The following GABRG3 variants were observed in gnomAD, a reference collection of about 807,000 sequenced individuals.
The protein encoded by GABRG3 is gamma-aminobutyric acid type A receptor subunit gamma3.
Under a neutral mutation model 48.8 loss-of-function variants are expected in GABRG3, and 25 were observed. The ratio of observed to expected loss-of-function variants is 0.51; its 90% CI spans 0.37 to 0.72. GABRG3 has a LOEUF of 0.72. GABRG3 is among the 30% of genes least tolerant of loss of function. The pLI is 0.00. For synonymous variants in GABRG3, 227 were observed against 217.6 expected (o/e 1.04, Z -0.38); for missense variants, 394 against 577.9 (o/e 0.68, Z 3.26).
At chr15:27,320,202 G>A (rs1893372753) in intron 3 of GABRG3, among the ~76,000 whole-genome samples, 1 of 152,202 alleles carries the variant, frequency 6.6e-6, no homozygotes, top group African/African-American at 2.4e-5. Context: ...ATATTTACAA[G>A]TGCAAGATGT....
intron 3 of GABRG3, among the ~76,000 whole-genome samples, chr15:27,160,388 T>C (rs1264657453): frequency 1.3e-5 from 2 of 152,174 alleles, no homozygotes; most frequent in African/African-American, 4.8e-5. Context: ...GTAGTATTTC[T>C]GATTTTCTTT....
chr15:27,167,559 A>G (rs992352004), intron 3 of GABRG3, among the ~76,000 whole-genome samples: 3 of 152,222 alleles, frequency 2.0e-5, no homozygotes, highest in Non-Finnish European at 4.4e-5. Context: ...GATTTTAAAA[A>G]TAACATAAAT....
intron 5 of GABRG3, among the ~76,000 whole-genome samples, chr15:27,361,306 G>A (rs1380591363): frequency 6.6e-6 from 1 of 152,102 alleles, no homozygotes; most frequent in Non-Finnish European, 1.5e-5. Flanking sequence ...CACATTTCTG[G>A]GTCTTGGGTG....
chr15:27,156,465 A>G (rs1194771175), intron 3 of GABRG3, among the ~76,000 whole-genome samples: 1 of 152,088 alleles, frequency 6.6e-6, no homozygotes, highest in Non-Finnish European at 1.5e-5. Flanking sequence ...CAAATCTGGA[A>G]TGAAACGAAA....
At chr15:27,116,743 G>A (rs886679877) in intron 3 of GABRG3, among the ~76,000 whole-genome samples, 1 of 152,140 alleles carries the variant, frequency 6.6e-6, no homozygotes, top group African/African-American at 2.4e-5. Flanking sequence ...TGGGATTAAG[G>A]TTTTCATAAA....
intron 5 of GABRG3, among the ~76,000 whole-genome samples, chr15:27,332,950 T>C (rs1042748966): frequency 2.0e-5 from 3 of 152,226 alleles, no homozygotes; most frequent in Non-Finnish European, 4.4e-5. Context: ...TCTGTAGTCA[T>C]TGTGGTTAAG....
chr15:27,108,566 G>A (rs1229383340), intron 3 of GABRG3, among the ~76,000 whole-genome samples: 1 of 152,200 alleles, frequency 6.6e-6, no homozygotes, highest in Non-Finnish European at 1.5e-5. Context: ...GTCGGATGGA[G>A]TATTCAATAA....
intron 3 of GABRG3, among the ~76,000 whole-genome samples, chr15:27,313,260 GTGTATATATA>G (rs1165553148): frequency 2.2e-3 from 107 of 49,512 alleles, no homozygotes; most frequent in South Asian, 6.3e-3. Context: ...GTGTGTGTGT[GTGTATATATA>G]TATATATATA....
intron 4 of GABRG3, among the ~76,000 whole-genome samples, chr15:27,328,565 T>C (rs1893696797): frequency 6.6e-6 from 1 of 152,248 alleles, no homozygotes; most frequent in Non-Finnish European, 1.5e-5. Flanking sequence ...CTAGACACAG[T>C]TGGAATTTTA....
intron 6 of GABRG3, among the ~76,000 whole-genome samples, chr15:27,494,183 A>G (rs955581666): frequency 7.9e-5 from 12 of 152,146 alleles, no homozygotes; most frequent in African/African-American, 2.9e-4. Flanking sequence ...TACTGAGGGT[A>G]TAACTACTCT....
intron 3 of GABRG3, among the ~76,000 whole-genome samples, chr15:27,219,706 G>A (rs988856631): frequency 5.3e-5 from 8 of 152,328 alleles, no homozygotes; most frequent in Non-Finnish European, 8.8e-5. Flanking sequence ...TGTGCCTAAC[G>A]GGGAGTGCCA....
At chr15:27,303,241 A>T (rs946797653) in intron 3 of GABRG3, among the ~76,000 whole-genome samples, 1 of 151,558 alleles carries the variant, frequency 6.6e-6, no homozygotes, top group Non-Finnish European at 1.5e-5. Context: ...AAAAAAAAAG[A>T]CACAAATTAC....
chr15:27,525,208 T>C lies in GABRG3; in HGVS notation c.866-2225T>C, dbSNP rs189335579. On this transcript the variant is annotated intron_variant, in intron 7 of 9. Transcript: ENST00000615808. The stretch of plus-strand genomic sequence containing the variant: ...AAAAAACAAAGCCAATATCAAAATG[T>C]GTTATTTTAGTTTGTGTTTAAATTA... Among the ~76,000 whole-genome samples, 152 of 150,986 alleles carry C rather than the reference T, an allele frequency of 1.0e-3. 2 individuals carry two copies. The highest frequency in any genetic ancestry group is 1.0e-4 in the Non-Finnish European group (7 of 67,828).
At chr15:27,004,191 C>T (rs1422504978) in intron 2 of GABRG3, among the ~76,000 whole-genome samples, 4 of 150,444 alleles carry the variant, frequency 2.7e-5, no homozygotes, top group South Asian at 2.1e-4. Flanking sequence ...ACTTCCCAGA[C>T]GGGGTGGCTG....
chr15:27,134,788 G>C (rs932604863), intron 3 of GABRG3, among the ~76,000 whole-genome samples: 8 of 152,174 alleles, frequency 5.3e-5, no homozygotes, highest in African/African-American at 1.9e-4. Context: ...TTGTGGAATT[G>C]AATACTCTTT....
At chr15:27,340,756 A>T (rs1894144332) in intron 5 of GABRG3, 1 of 166,708 alleles carries the variant, frequency 6.0e-6, no homozygotes, top group South Asian at 1.5e-4. Flanking sequence ...TCTATTTTTC[A>T]TGCAATGTAA....
chr15:27,421,848 G>A (rs1289253434), intron 5 of GABRG3, among the ~76,000 whole-genome samples: 1 of 151,666 alleles, frequency 6.6e-6, no homozygotes, highest in East Asian at 2.0e-4. Context: ...CCAATACTGA[G>A]TGTTCTAAGA....
At chr15:27,278,645 T>G (rs1175206317) in intron 3 of GABRG3, among the ~76,000 whole-genome samples, 1 of 152,184 alleles carries the variant, frequency 6.6e-6, no homozygotes, top group East Asian at 1.9e-4. Flanking sequence ...TTTTTAATCC[T>G]GAAGAGTATT....
intron 3 of GABRG3, among the ~76,000 whole-genome samples, chr15:27,118,330 T>A (rs192813425): frequency 6.6e-5 from 10 of 152,266 alleles, no homozygotes; most frequent in Admixed American, 5.9e-4. Context: ...GATGATGGCA[T>A]TGACTAACAT....
Sources: allele counts gnomAD v4.1 joint callset (sites outside exome capture counted in the v4.1 genomes callset), GRCh38; gene constraint gnomAD v4.1.1; transcripts MANE v1.5; gene names NCBI Gene and HGNC (gene_info 2026-07-23, HGNC 2026-07-21).